The following ITGAV variants were observed in gnomAD, a reference collection of about 807,000 sequenced individuals.
ITGAV encodes the protein integrin subunit alpha V.
In ITGAV, 76 loss-of-function variants were observed where a neutral mutation model predicts 143.8. The observed-to-expected ratio is 0.53, with a 90% CI of 0.44 to 0.64. The LOEUF is 0.64. ITGAV is among the 30% of genes least tolerant of loss of function. The pLI, the probability that ITGAV is intolerant of heterozygous loss-of-function variation, is 0.00. For synonymous variants in ITGAV, 453 were observed against 446.7 expected (o/e 1.01, Z -0.18); for missense variants, 1,193 against 1,274.7 (o/e 0.94, Z 0.98).
At chr2:186,643,654 A>T (rs1373519325) in intron 12 of ITGAV, among the ~76,000 whole-genome samples, 1 of 152,206 alleles carries the variant, frequency 6.6e-6, no homozygotes, top group Non-Finnish European at 1.5e-5. Context: ...GTTATGTTCC[A>T]AAATTTTATA....
chr2:186,633,901 G>A (rs1187777965), intron 6 of ITGAV, among the ~76,000 whole-genome samples: 1 of 152,072 alleles, frequency 6.6e-6, no homozygotes, highest in African/African-American at 2.4e-5. Context: ...GGTGGCGTGG[G>A]CCTGTAATCC....
At chr2:186,668,015 C>T (rs1005767478) in intron 24 of ITGAV, 2 of 221,120 alleles carry the variant, frequency 9.0e-6, no homozygotes, top group Admixed American at 5.7e-5. Flanking sequence ...ATTAGTTCTA[C>T]TTGAATAAAG....
intron 7 of ITGAV, among the ~76,000 whole-genome samples, chr2:186,636,855 TTTG>T (rs1243688781): frequency 6.6e-6 from 1 of 152,208 alleles, no homozygotes. Context: ...CAATTGTAGT[TTTG>T]TAATAAAAAT....
chr2:186,599,401 AG>A (rs2105651526), intron 1 of ITGAV, among the ~76,000 whole-genome samples: 1 of 152,360 alleles, frequency 6.6e-6, no homozygotes, highest in South Asian at 2.1e-4. Flanking sequence ...TGTCTCAGGC[AG>A]GGCTTCAGAC....
rs554647290 is a variant in ITGAV, at chr2:186,630,334, T to C, written c.524-463T>C. 2.0e-5 allele frequency among the ~76,000 whole-genome samples: 3 copies of C among 151,606 alleles called. No individual in the cohort carries two copies. In the South Asian group the frequency reaches 6.2e-4, roughly 32 times the overall value. On this transcript the variant is annotated intron_variant, in intron 4 of 29. Coordinates refer to ENST00000261023, the MANE Select transcript of ITGAV (RefSeq NM_002210.5). Reference sequence around the variant, plus strand: ...TTGTTAGTGTTTTATGAAATCAGTGTAGTGGGTCAAAACCACTATAGTTTT... The same window carrying C: ...TTGTTAGTGTTTTATGAAATCAGTGCAGTGGGTCAAAACCACTATAGTTTT...
intron 18 of ITGAV, among the ~76,000 whole-genome samples, chr2:186,659,688 T>C (rs1260173468): frequency 1.3e-5 from 2 of 151,820 alleles, no homozygotes; most frequent in African/African-American, 4.8e-5. Flanking sequence ...AAATTACATG[T>C]TCATGTTTTT....
At position 186,652,014 on chromosome 2, in the gene ITGAV, T is replaced by G. The variant is rs770335482; in HGVS notation, c.1430T>G (p.Leu477Arg). 6.2e-7 allele frequency: 1 copy of G among 1,613,442 alleles called. No individual in the cohort carries two copies. The highest frequency in any genetic ancestry group is 8.5e-7 in the Non-Finnish European group (1 of 1,179,466). ...ARPVITVNAGLEVYPSILNQD... is the reference protein window; with the variant it reads ...ARPVITVNAGREVYPSILNQD... ...CCAGTTATCACTGTAAATGCTGGTC[T>G]TGAAGTGTACCCTAGCATTTTAAAT... The change falls in exon 15 of 30, where the codon CTT becomes CGT. Residue 477 changes from leucine (L) to arginine (R), a missense_variant. Physicochemically the swap from Leu to Arg is moderately radical, Grantham distance 102. Coordinates refer to ENST00000261023, the MANE Select transcript of ITGAV (RefSeq NM_002210.5).
chr2:186,618,728 A>T (rs1414612689), intron 2 of ITGAV, among the ~76,000 whole-genome samples: 1 of 124,186 alleles, frequency 8.1e-6, no homozygotes, highest in African/African-American at 2.8e-5. Context: ...TTGAGAAAAA[A>T]TGCTTAGCAT....
At chr2:186,598,302 C>T (rs1315410130) in intron 1 of ITGAV, among the ~76,000 whole-genome samples, 2 of 142,030 alleles carry the variant, frequency 1.4e-5, no homozygotes, top group Non-Finnish European at 3.1e-5. Context: ...TATACACACA[C>T]ACACACACAC....
chr2:186,662,180 T>G (rs1395540240), intron 18 of ITGAV, among the ~76,000 whole-genome samples: 1 of 152,198 alleles, frequency 6.6e-6, no homozygotes, highest in African/African-American at 2.4e-5. Flanking sequence ...ATGTTATACA[T>G]ACCTTATCAC....
At chr2:186,655,630 T>C (rs1046883735) in intron 16 of ITGAV, among the ~76,000 whole-genome samples, 2 of 152,242 alleles carry the variant, frequency 1.3e-5, no homozygotes, top group Admixed American at 6.5e-5. Context: ...ATTTGCACTC[T>C]CTTAAACTAT....
At position 186,625,456 on chromosome 2, in the gene ITGAV, T is replaced by C; in HGVS notation, c.409-17T>C. 2 of 1,566,614 alleles carry C rather than the reference T, an allele frequency of 1.3e-6. No individual in the cohort carries two copies. The highest frequency in any genetic ancestry group is 1.8e-6 in the Non-Finnish European group (2 of 1,137,658). On this transcript the variant is annotated splice_polypyrimidine_tract_variant and intron_variant, in intron 3 of 29. Transcript: ENST00000261023. ...TTTAGAAAATCTTCGTGTCGTGGAC[T>C]AAACCTTTGATTTTAGGCCTGTGCC... is the stretch of plus-strand genomic sequence containing the variant.
In ITGAV at chr2:186,665,137, A is replaced by G. The variant is rs1688854770; in HGVS notation, c.2085A>G (p.Arg695=). The G allele has an allele frequency of 3.1e-6, 5 of 1,602,704 alleles. No individual in the cohort carries two copies. Among genetic ancestry groups the G allele is most frequent in the Non-Finnish European group, 4.3e-6 (5 of 1,175,332 alleles). Residue 695 remains arginine, a synonymous_variant, in exon 21 of 30, where the codon AGA becomes AGG. Coordinates refer to ENST00000261023, the MANE Select transcript of ITGAV (RefSeq NM_002210.5). ...TTGGTCTATCAAAGGCCTTAGCAAG[A>G]CTTTCCTGTGCATTTAAGACAGAAA... The part of the protein sequence containing the change: ...GVVRNNEALA[R]LSCAFKTENQ...
intron 10 of ITGAV, 111 bp downstream of exon 10, chr2:186,638,576 A>G (rs1318145091): frequency 2.6e-6 from 2 of 769,000 alleles, no homozygotes; most frequent in Middle Eastern, 3.8e-4. Context: ...CATCAAATAG[A>G]TAATTCTTCC....
At chr2:186,636,289 A>G in intron 7 of ITGAV, 82 bp downstream of exon 7, 1 of 1,090,660 alleles carries the variant, frequency 9.2e-7, no homozygotes, top group Non-Finnish European at 1.3e-6. Context: ...AAGTAGAAAA[A>G]TATTTTATGT....
In ITGAV at chr2:186,590,270, T is replaced by G. The variant is rs908249897; in HGVS notation, c.-69T>G. On this transcript the variant is annotated 5_prime_UTR_variant, in exon 1 of 30. Coordinates refer to ENST00000261023, the MANE Select transcript of ITGAV (RefSeq NM_002210.5). Reference sequence around the variant, plus strand: ...CGCGCAGGCGGCGGGCCGCGGGCACTGGGCGCCTCGCTGGGGCGGGGGGAG... The same window carrying G: ...CGCGCAGGCGGCGGGCCGCGGGCACGGGGCGCCTCGCTGGGGCGGGGGGAG... 7.6e-7 allele frequency: 1 copy of G among 1,316,376 alleles called. No individual in the cohort carries two copies. The highest frequency in any genetic ancestry group is 2.0e-5 in the South Asian group (1 of 49,004). 81.5% of individuals were successfully genotyped at this position (1,316,376 alleles called of 1,614,324 possible).
chr2:186,655,707 C>G (rs61762254), intron 16 of ITGAV, among the ~76,000 whole-genome samples: 63 of 152,316 alleles, frequency 4.1e-4, no homozygotes, highest in African/African-American at 1.5e-3. Context: ...ATTCTTGATG[C>G]ATTTAACTCT....
chr2:186,619,320 C>T (rs1687457920), intron 2 of ITGAV, among the ~76,000 whole-genome samples: 1 of 151,914 alleles, frequency 6.6e-6, no homozygotes, highest in Admixed American at 6.6e-5. Flanking sequence ...TTAAACACTG[C>T]ATGTTTTCAG....
intron 1 of ITGAV, among the ~76,000 whole-genome samples, chr2:186,596,444 A>G (rs1032932048): frequency 5.5e-5 from 8 of 146,090 alleles, no homozygotes; most frequent in Non-Finnish European, 1.2e-4. Context: ...TTTTTGTAGT[A>G]TGTGTTGCTT....
Sources: gnomAD v4.1 joint callset for allele counts (sites outside exome capture counted in the v4.1 genomes callset) on GRCh38, gnomAD v4.1.1 for gene constraint, MANE v1.5 for transcripts, NCBI Gene and HGNC (gene_info 2026-07-23, HGNC 2026-07-21) for gene names.